The following KIAA0825 variants were observed in gnomAD, a reference collection of about 807,000 sequenced individuals.
KIAA0825 encodes the protein KIAA0825.
In KIAA0825, 119 loss-of-function variants were observed where a neutral mutation model predicts 147.6. That is an observed-to-expected ratio of 0.81 (90% confidence interval 0.69 to 0.94). The LOEUF is 0.94. KIAA0825 is among the 40% of genes least tolerant of loss of function. KIAA0825 has a pLI of 0.00. For missense variants in KIAA0825, 1,381 were observed against 1,472.7 expected (o/e 0.94, Z 1.02); for synonymous variants, 470 against 518.1 (o/e 0.91, Z 1.26).
intron 5 of KIAA0825, among the ~76,000 whole-genome samples, chr5:94,516,446 T>A (rs2151189146): frequency 6.6e-6 from 1 of 152,220 alleles, no homozygotes; most frequent in Middle Eastern, 3.4e-3. Flanking sequence ...TGAATCATTA[T>A]CAATAAAAAA....
At chr5:94,182,680 T>C (rs1769775245) in intron 20 of KIAA0825, among the ~76,000 whole-genome samples, 1 of 152,188 alleles carries the variant, frequency 6.6e-6, no homozygotes, top group Admixed American at 6.5e-5. Context: ...TTTTCCTTTA[T>C]GAAAATACAG....
Position 94,384,448 on chromosome 5 carries a change from T to C in KIAA0825, c.3630A>G (p.Lys1210=). Residue 1210 remains lysine, a synonymous_variant, in exon 20 of 21, where the codon AAA becomes AAG. Coordinates refer to ENST00000682413, the MANE Select transcript of KIAA0825 (RefSeq NM_001145678.3). ...ENMLDQVSIT[K]WNWNWAKLLP... ...GCAACTTTGCCCAATTCCAGTTCCATTTTGTGATGGCTGACTGTTGATAAA... is the reference window on the plus strand; with the variant it reads ...GCAACTTTGCCCAATTCCAGTTCCACTTTGTGATGGCTGACTGTTGATAAA... The C allele has an allele frequency of 6.4e-7, 1 of 1,551,478 alleles. No individual in the cohort carries two copies. The highest frequency in any genetic ancestry group is 8.7e-7 in the Non-Finnish European group (1 of 1,146,586).
intron 10 of KIAA0825, among the ~76,000 whole-genome samples, chr5:94,466,367 T>C (rs929790271): frequency 1.3e-5 from 2 of 152,020 alleles, no homozygotes; most frequent in Non-Finnish European, 2.9e-5. Flanking sequence ...AATGTCAGAG[T>C]CGAGTTCAAA....
At chr5:94,237,174 T>G (rs1247906825) in intron 20 of KIAA0825, among the ~76,000 whole-genome samples, 1 of 152,052 alleles carries the variant, frequency 6.6e-6, no homozygotes, top group African/African-American at 2.4e-5. Context: ...CCATACCAAG[T>G]TAAACTATAC....
At chr5:94,282,586 T>C (rs10463187) in intron 20 of KIAA0825, among the ~76,000 whole-genome samples, 31,499 of 152,054 alleles carry the variant, frequency 0.21, 3,682 homozygotes, top group Non-Finnish European at 0.26. Flanking sequence ...AAATTCTATA[T>C]GGCTAATATT....
intron 16 of KIAA0825, among the ~76,000 whole-genome samples, chr5:94,396,905 A>C (rs533230255): frequency 6.6e-6 from 1 of 151,816 alleles, no homozygotes; most frequent in East Asian, 2.0e-4. Context: ...TGACAGAATC[A>C]TTTCAGCTCT....
intron 20 of KIAA0825, among the ~76,000 whole-genome samples, chr5:94,340,613 C>T (rs977082884): frequency 2.6e-5 from 4 of 152,098 alleles, no homozygotes; most frequent in Non-Finnish European, 4.4e-5. Flanking sequence ...GTTATCAAGA[C>T]TAATGTGATC....
At chr5:94,167,262 C>T (rs967473680) in intron 20 of KIAA0825, among the ~76,000 whole-genome samples, 4 of 152,160 alleles carry the variant, frequency 2.6e-5, no homozygotes, top group Admixed American at 1.3e-4. Flanking sequence ...CTTTAGCATA[C>T]GTTAGCAGAA....
chr5:94,162,151 T>C (rs559167038), intron 20 of KIAA0825, among the ~76,000 whole-genome samples: 1 of 152,296 alleles, frequency 6.6e-6, no homozygotes, highest in Non-Finnish European at 1.5e-5. Context: ...TTGATACTTT[T>C]AAAGAATCTA....
intron 2 of KIAA0825, among the ~76,000 whole-genome samples, chr5:94,563,161 G>A (rs1435864389): frequency 6.7e-6 from 1 of 149,294 alleles, no homozygotes; most frequent in Non-Finnish European, 1.5e-5. Flanking sequence ...CTAACACGGT[G>A]AAACCCCATC....
chr5:94,522,639 G>A lies in KIAA0825; in HGVS notation c.300+1291C>T, dbSNP rs75338242. 2.0e-3 allele frequency among the ~76,000 whole-genome samples: 303 copies of A among 151,502 alleles called. 1 individual carries two copies. The highest frequency in any genetic ancestry group is 7.1e-3 in the African/African-American group (294 of 41,434). Reference sequence around the variant, plus strand: ...ACAGATGTATGAAAAATGCCATCAGGACTGACATTTTTTAGCATGTAGAAA... The same window carrying A: ...ACAGATGTATGAAAAATGCCATCAGAACTGACATTTTTTAGCATGTAGAAA... On this transcript the variant is annotated intron_variant, in intron 4 of 20. Transcript: ENST00000682413.
intron 5 of KIAA0825, among the ~76,000 whole-genome samples, chr5:94,518,754 G>A (rs1584756942): frequency 6.6e-6 from 1 of 152,024 alleles, no homozygotes; most frequent in South Asian, 2.1e-4. Flanking sequence ...CTACACTTGT[G>A]GAAAATGCTT....
At chr5:94,240,885 A>G (rs751039155) in intron 20 of KIAA0825, among the ~76,000 whole-genome samples, 3 of 152,184 alleles carry the variant, frequency 2.0e-5, no homozygotes, top group Non-Finnish European at 4.4e-5. Flanking sequence ...TTATGTTTCA[A>G]TAATTTTGGT....
intron 20 of KIAA0825, among the ~76,000 whole-genome samples, chr5:94,168,258 C>A (rs919303503): frequency 6.6e-6 from 1 of 152,012 alleles, no homozygotes; most frequent in African/African-American, 2.4e-5. Context: ...GCTATTTCTG[C>A]AAGAATTCAA....
At chr5:94,377,223 C>A (rs991364174) in intron 20 of KIAA0825, among the ~76,000 whole-genome samples, 8 of 152,214 alleles carry the variant, frequency 5.3e-5, no homozygotes, top group African/African-American at 1.9e-4. Flanking sequence ...CTCCACCACC[C>A]CTTCTGCTGT....
At chr5:94,391,494 A>G (rs1450363415) in intron 18 of KIAA0825, 41 bp downstream of exon 18, 1 of 1,549,970 alleles carries the variant, frequency 6.5e-7, no homozygotes, top group Admixed American at 2.0e-5. Context: ...GCCTCAGGCC[A>G]GTACACACCT....
intron 20 of KIAA0825, among the ~76,000 whole-genome samples, chr5:94,294,012 T>G (rs1468141590): frequency 6.6e-6 from 1 of 152,166 alleles, no homozygotes; most frequent in Non-Finnish European, 1.5e-5. Flanking sequence ...TATTTTGAGT[T>G]TATATGTGCC....
intron 5 of KIAA0825, among the ~76,000 whole-genome samples, chr5:94,509,733 T>C (rs770654990): frequency 1.3e-5 from 2 of 152,206 alleles, no homozygotes; most frequent in Non-Finnish European, 2.9e-5. Context: ...ACATACTGAT[T>C]CTACATTACA....
At chr5:94,282,636 T>C (rs904729188) in intron 20 of KIAA0825, among the ~76,000 whole-genome samples, 1 of 152,140 alleles carries the variant, frequency 6.6e-6, no homozygotes, top group Non-Finnish European at 1.5e-5. Context: ...ACTATTTGAC[T>C]ATTTCAAATA....
Sources: gnomAD v4.1 joint callset for allele counts (sites outside exome capture counted in the v4.1 genomes callset) on GRCh38, gnomAD v4.1.1 for gene constraint, MANE v1.5 for transcripts, NCBI Gene and HGNC (gene_info 2026-07-23, HGNC 2026-07-21) for gene names.